The following AGBL1 variants were observed in gnomAD, a reference collection of about 807,000 sequenced individuals.
AGBL1 encodes the protein AGBL carboxypeptidase 1, also known as cytosolic carboxypeptidase 4.
Under a neutral mutation model 118.9 loss-of-function variants are expected in AGBL1, and 130 were observed. That is an observed-to-expected ratio of 1.09 (90% CI 0.95 to 1.26). AGBL1 has a LOEUF of 1.26. Among genes scored for constraint, AGBL1 ranks in the 50% most tolerant of loss-of-function variants. The probability of loss-of-function intolerance (pLI) is 0.00; values close to 1 mark genes in which losing one functional copy is unlikely to be tolerated. For missense variants in AGBL1, 1,584 were observed against 1,298.1 expected (o/e 1.22, Z -3.38); for synonymous variants, 555 against 478.9 (o/e 1.16, Z -2.08).
intron 23 of AGBL1, among the ~76,000 whole-genome samples, chr15:86,944,652 A>G (rs572014624): frequency 1.0e-3 from 155 of 152,344 alleles, no homozygotes; most frequent in African/African-American, 3.6e-3. Flanking sequence ...TAGTACCTAC[A>G]TAAGTAATCT....
chr15:86,418,796 C>T (rs1006388824), intron 18 of AGBL1, among the ~76,000 whole-genome samples: 3 of 152,064 alleles, frequency 2.0e-5, no homozygotes, highest in Non-Finnish European at 4.4e-5. Context: ...TACCTGTCCT[C>T]AGAATAGATC....
chr15:86,455,772 C>G (rs1352203655), intron 18 of AGBL1, among the ~76,000 whole-genome samples: 1 of 152,114 alleles, frequency 6.6e-6, no homozygotes, highest in East Asian at 1.9e-4. Context: ...TTATCTTTGT[C>G]TTCAACATCT....
chr15:86,805,306 A>G lies in AGBL1; in HGVS notation c.3159-101781A>G, dbSNP rs534938813. Among the ~76,000 whole-genome samples the G allele has an allele frequency of 1.3e-3, 195 of 152,198 alleles. 1 individual carries two copies. Among genetic ancestry groups the G allele is most frequent in the African/African-American group, 4.5e-3 (187 of 41,534 alleles). The stretch of plus-strand genomic sequence containing the variant: ...ACACATATAGTGACTTAACTGAGCA[A>G]GAGTGGTGCAAAAGTCTCCTCTGTG... On this transcript the variant is annotated intron_variant, in intron 22 of 22. Coordinates refer to ENST00000614907, the MANE Select transcript of AGBL1 (RefSeq NM_001386094.1).
intron 1 of AGBL1, among the ~76,000 whole-genome samples, chr15:86,124,743 G>C (rs12899084): frequency 0.19 from 28,376 of 152,036 alleles, 2,979 homozygotes; most frequent in Non-Finnish European, 0.23. Context: ...TAAATGGTTA[G>C]AGTAGCCATT....
At chr15:86,738,806 G>T (rs1194316500) in intron 22 of AGBL1, among the ~76,000 whole-genome samples, 1 of 151,970 alleles carries the variant, frequency 6.6e-6, no homozygotes, top group Non-Finnish European at 1.5e-5. Context: ...GTTGTGTGGG[G>T]GAAGATAATT....
chr15:87,011,802 A>G (rs1345826249), intron 24 of AGBL1, among the ~76,000 whole-genome samples: 1 of 152,232 alleles, frequency 6.6e-6, no homozygotes, highest in Non-Finnish European at 1.5e-5. Context: ...CACTTGTTTA[A>G]GATAATAAAA....
At chr15:86,362,464 A>T (rs966661620) in intron 17 of AGBL1, among the ~76,000 whole-genome samples, 4 of 152,082 alleles carry the variant, frequency 2.6e-5, no homozygotes, top group African/African-American at 9.7e-5. Context: ...CTCACTTAGG[A>T]TATATATTTC....
chr15:86,138,101 TA>T lies in AGBL1; in HGVS notation c.52-3902del, dbSNP rs1430264642. Among the ~76,000 whole-genome samples, 7 of 152,256 alleles carry T rather than the reference TA, an allele frequency of 4.6e-5. No homozygotes were observed. In the East Asian group the frequency reaches 1.2e-3, roughly 25 times the overall value. Reference sequence around the variant, plus strand: ...ACAGCTCGTGAGGTGGGAATAGAGATATGAATAAGACCTAGTTCTTGCCCAC... The same window carrying T: ...ACAGCTCGTGAGGTGGGAATAGAGATTGAATAAGACCTAGTTCTTGCCCAC... On this transcript the variant is annotated intron_variant, in intron 1 of 22. Coordinates refer to ENST00000614907, the MANE Select transcript of AGBL1 (RefSeq NM_001386094.1).
intron 17 of AGBL1, among the ~76,000 whole-genome samples, chr15:86,319,592 C>T (rs963921808): frequency 2.6e-5 from 4 of 151,768 alleles, no homozygotes; most frequent in African/African-American, 4.8e-5. Flanking sequence ...TTTTTATAGA[C>T]GTGGGTCTGT....
At chr15:86,434,389 C>T (rs1261261045) in intron 18 of AGBL1, among the ~76,000 whole-genome samples, 6 of 152,088 alleles carry the variant, frequency 3.9e-5, no homozygotes, top group South Asian at 2.1e-4. Flanking sequence ...ATTGATGAGG[C>T]GAGAAGAGAT....
intron 18 of AGBL1, among the ~76,000 whole-genome samples, chr15:86,398,187 T>C (rs974960909): frequency 9.2e-5 from 14 of 152,128 alleles, no homozygotes; most frequent in African/African-American, 3.4e-4. Flanking sequence ...CTCTTCGAAA[T>C]ATATGATGGG....
intron 17 of AGBL1, among the ~76,000 whole-genome samples, chr15:86,389,072 C>T (rs2081239336): frequency 6.6e-6 from 1 of 151,864 alleles, no homozygotes; most frequent in Non-Finnish European, 1.5e-5. Flanking sequence ...ACTGATATAG[C>T]TTTTGAAGAG....
At chr15:86,240,384 C>T (rs575853800) in intron 6 of AGBL1, among the ~76,000 whole-genome samples, 7 of 152,244 alleles carry the variant, frequency 4.6e-5, no homozygotes, top group Admixed American at 6.5e-5. Flanking sequence ...TGAAAAGACC[C>T]CTAAGATAAT....
chr15:86,701,412 T>C (rs1370352331), intron 22 of AGBL1, among the ~76,000 whole-genome samples: 3 of 152,118 alleles, frequency 2.0e-5, no homozygotes, highest in African/African-American at 4.8e-5. Context: ...AAATAGTTGA[T>C]AGAATCCACA....
rs546053366 is a variant in AGBL1, at chr15:86,421,573, C to CATA, written c.2555+24029_2555+24030insAAT. Reference sequence around the variant, plus strand: ...AATGGGAAAAATAACCAGCTAGCATCATGACAGGATCAAATTCACACATAA... The same window carrying CATA: ...AATGGGAAAAATAACCAGCTAGCATCATAATGACAGGATCAAATTCACACATAA... On this transcript the variant is annotated intron_variant, in intron 18 of 22. Transcript: ENST00000614907. Among the ~76,000 whole-genome samples the CATA allele has an allele frequency of 3.2e-3, 483 of 151,966 alleles. 1 individual carries two copies. The highest frequency in any genetic ancestry group is 0.011 in the African/African-American group (456 of 41,542).
intron 17 of AGBL1, among the ~76,000 whole-genome samples, chr15:86,326,327 T>C (rs1358857801): frequency 6.6e-6 from 1 of 152,232 alleles, no homozygotes; most frequent in African/African-American, 2.4e-5. Context: ...TGTCTCTCTC[T>C]TAGCCATCTG....
At chr15:86,095,079 A>T (rs1195249253) in intron 1 of AGBL1, among the ~76,000 whole-genome samples, 2 of 148,912 alleles carry the variant, frequency 1.3e-5, no homozygotes, top group Non-Finnish European at 2.9e-5. Context: ...TTTATGATAG[A>T]GGATAAAAAT....
rs2076763484 is a variant in AGBL1, at chr15:86,127,596, A to G, written c.52-14408A>G. On this transcript the variant is annotated intron_variant, in intron 1 of 22. Transcript: ENST00000614907. ...ATACCTCTTGGGAAACCCTAAGTGG[A>G]AAAGGAGAAAATTCTATTATGGCGG... 2.0e-5 allele frequency among the ~76,000 whole-genome samples: 3 copies of G among 152,238 alleles called. No homozygotes were observed. The South Asian group carries it at 6.2e-4, about 32-fold the overall frequency.
intron 22 of AGBL1, among the ~76,000 whole-genome samples, chr15:86,703,346 C>T (rs147250732): frequency 4.6e-5 from 7 of 152,060 alleles, no homozygotes; most frequent in South Asian, 2.1e-4. Context: ...AGCCATATGG[C>T]GTGACTTTAA....
Sources: gnomAD v4.1 joint callset for allele counts (sites outside exome capture counted in the v4.1 genomes callset) on GRCh38, gnomAD v4.1.1 for gene constraint, MANE v1.5 for transcripts, NCBI Gene and HGNC (gene_info 2026-07-23, HGNC 2026-07-21) for gene names.